ATG7: variants seen among roughly 807,000 people sequenced by gnomAD.
ATG7 encodes ubiquitin-like modifier-activating enzyme ATG7.
In ATG7, 70 loss-of-function variants were observed where a neutral mutation model predicts 82.4. The observed-to-expected ratio is 0.85, with a 90% CI of 0.70 to 1.04. The LOEUF is 1.04. Ranked by LOEUF, ATG7 falls within the 50% of genes least tolerant of loss-of-function variation. The pLI is 0.00. For missense variants in ATG7, 792 were observed against 864.3 expected (o/e 0.92, Z 1.05); for synonymous variants, 287 against 313.0 (o/e 0.92, Z 0.88).
chr3:11,357,118 T>G (rs2075987667), intron 14 of ATG7, among the ~76,000 whole-genome samples: 1 of 152,142 alleles, frequency 6.6e-6, no homozygotes, highest in South Asian at 2.1e-4. Context: ...TTCCAGTAGG[T>G]GAGGGGTTTT....
intron 20 of ATG7, among the ~76,000 whole-genome samples, chr3:11,512,145 A>T (rs886516534): frequency 1.3e-5 from 2 of 152,138 alleles, no homozygotes; most frequent in Admixed American, 1.3e-4. Context: ...GACTGCCAGC[A>T]TGCTGTCACC....
chr3:11,284,574 C>G (rs182736852), intron 3 of ATG7, among the ~76,000 whole-genome samples: 1 of 152,110 alleles, frequency 6.6e-6, no homozygotes, highest in Admixed American at 6.5e-5. Context: ...TTTTTTGAGA[C>G]GGGGTCTTGC....
intron 13 of ATG7, among the ~76,000 whole-genome samples, chr3:11,344,304 A>G (rs1177855858): frequency 2.0e-5 from 3 of 152,176 alleles, no homozygotes; most frequent in African/African-American, 4.8e-5. Context: ...GTGAGAGTTG[A>G]TATCTTTGTT....
At position 11,382,203 on chromosome 3, in the gene ATG7, GT is replaced by G. The variant is rs113045953; in HGVS notation, c.1956+2154del. On this transcript the variant is annotated intron_variant, in intron 19 of 20. Coordinates refer to ENST00000693202, the MANE Select transcript of ATG7 (RefSeq NM_001349232.2). ...GAGACAGACTGGGGAAGTAGAATAA[GT>G]TTCTGCTGAATAGTGAAGCACTTGT... 6.2e-3 allele frequency among the ~76,000 whole-genome samples: 948 copies of G among 152,312 alleles called. 8 individuals are homozygous for G. Among genetic ancestry groups the G allele is most frequent in the African/African-American group, 0.021 (879 of 41,566 alleles).
At chr3:11,561,916 T>TAAAAAAAAAAAAAAAAA (rs1553719589), downstream of ATG7, among the ~76,000 whole-genome samples, 1 of 148,272 alleles carries the variant, frequency 6.7e-6, no homozygotes, top group East Asian at 2.0e-4. Context: ...TTTTTTTTTT[T>TAAAAAAAAAAAAAAAAA]AAAGACAAAG....
rs540363595 is a variant in ATG7 at position 11,395,736 on chromosome 3, C to T, written c.1956+15684C>T. ...CGGGCAGATCACGAGGTCAGGAGAT[C>T]GAGACCATCCTGGCTAACACGGTGA... On this transcript the variant is annotated intron_variant, in intron 19 of 20. Transcript: ENST00000693202. 2.2e-4 allele frequency among the ~76,000 whole-genome samples: 34 copies of T among 151,692 alleles called. No individual in the cohort carries two copies. The East Asian group carries it at 4.7e-3, about 21-fold the overall frequency.
chr3:11,299,325 G>C, intron 4 of ATG7, 37 bp from the exon 5 acceptor site: 1 of 1,583,030 alleles, frequency 6.3e-7, no homozygotes, highest in Non-Finnish European at 8.7e-7. Context: ...TGCTATTTCT[G>C]ACTTGTCATT....
At chr3:11,352,121 G>A (rs941450144) in intron 14 of ATG7, among the ~76,000 whole-genome samples, 2 of 151,760 alleles carry the variant, frequency 1.3e-5, no homozygotes, top group Non-Finnish European at 2.9e-5. Flanking sequence ...CTGTCTTTGT[G>A]ATAATTTGCT....
At chr3:11,284,325 T>G (rs1300252008) in intron 3 of ATG7, among the ~76,000 whole-genome samples, 1 of 152,238 alleles carries the variant, frequency 6.6e-6, no homozygotes, top group Admixed American at 6.5e-5. Flanking sequence ...CAATTAATTC[T>G]ATAAGCAGCC....
chr3:11,442,739 CAAAAAAAAAAAAAAAAAAAA>C (rs57073881), intron 20 of ATG7, among the ~76,000 whole-genome samples: 1 of 69,236 alleles, frequency 1.4e-5, no homozygotes, highest in African/African-American at 5.7e-5. Flanking sequence ...TCCATCTCTA[CAAAAAAAAAAAAAAAAAAAA>C]AAAAAAAAAA....
chr3:11,397,068 C>G (rs1439857490), intron 19 of ATG7, among the ~76,000 whole-genome samples: 1 of 152,088 alleles, frequency 6.6e-6, no homozygotes, highest in Non-Finnish European at 1.5e-5. Context: ...TCATGGTAAA[C>G]TGAAACCCAC....
intron 20 of ATG7, chr3:11,446,574 A>T: frequency 2.4e-6 from 1 of 410,734 alleles, no homozygotes; most frequent in Non-Finnish European, 4.8e-6. Context: ...ACAGTGTTAA[A>T]ATGTCATAAA....
At position 11,357,419 on chromosome 3, in the gene ATG7, ACT is replaced by A. The variant is rs140080336; in HGVS notation, c.1285-996_1285-995del. Among the ~76,000 whole-genome samples, 218 of 152,254 alleles carry A rather than the reference ACT, an allele frequency of 1.4e-3. 3 individuals carry two copies. Among genetic ancestry groups the A allele is most frequent in the African/African-American group, 5.0e-3 (207 of 41,544 alleles). On this transcript the variant is annotated intron_variant, in intron 14 of 20. Transcript: ENST00000693202. ...ACTTTTGGACAGAGAGTGAAGCCTT[ACT>A]CTGTCCCACACTCTGACATCACCCA...
intron 9 of ATG7, 77 bp downstream of exon 9, chr3:11,315,570 CA>C: frequency 7.8e-7 from 1 of 1,274,848 alleles, no homozygotes; most frequent in South Asian, 1.7e-5. Flanking sequence ...GAGACCACTG[CA>C]AAATTCAAAC....
intron 18 of ATG7, among the ~76,000 whole-genome samples, chr3:11,372,117 C>A (rs980919273): frequency 2.0e-5 from 3 of 151,338 alleles, no homozygotes; most frequent in African/African-American, 7.3e-5. Context: ...CAACCTGGTG[C>A]CCCACATCTG....
intron 20 of ATG7, among the ~76,000 whole-genome samples, chr3:11,554,561 C>T (rs565445566): frequency 8.5e-5 from 13 of 152,186 alleles, no homozygotes; most frequent in African/African-American, 2.9e-4. Context: ...AGGAGGTGAG[C>T]AGAGGCACAT....
At chr3:11,457,750 G>A (rs1457013948) in intron 20 of ATG7, among the ~76,000 whole-genome samples, 2 of 152,100 alleles carry the variant, frequency 1.3e-5, no homozygotes, top group African/African-American at 2.4e-5. Context: ...GATTGCTGAG[G>A]CCAGTTAATA....
intron 19 of ATG7, among the ~76,000 whole-genome samples, chr3:11,405,362 G>A (rs930996159): frequency 2.0e-5 from 3 of 152,172 alleles, no homozygotes; most frequent in Non-Finnish European, 2.9e-5. Context: ...TATGGAGCTT[G>A]AGGGGGTGAG....
intron 20 of ATG7, among the ~76,000 whole-genome samples, chr3:11,455,764 CA>C (rs1367712457): frequency 2.0e-5 from 3 of 152,164 alleles, no homozygotes; most frequent in Non-Finnish European, 4.4e-5. Flanking sequence ...CCACCTTAAT[CA>C]AGCTGATTTA....
Sources: allele counts gnomAD v4.1 joint callset (sites outside exome capture counted in the v4.1 genomes callset), GRCh38; gene constraint gnomAD v4.1.1; transcripts MANE v1.5; gene names NCBI Gene and HGNC (gene_info 2026-07-23, HGNC 2026-07-21).